TOPBP1: variants seen among roughly 807,000 people sequenced by gnomAD.
TOPBP1 encodes DNA topoisomerase 2-binding protein 1.
A neutral mutation model predicts 167.7 loss-of-function variants in TOPBP1; 28 were observed. The observed-to-expected ratio is 0.17, with a 90% CI of 0.12 to 0.23. TOPBP1 has a LOEUF of 0.23. Ranked by LOEUF, TOPBP1 falls within the 10% of genes least tolerant of loss-of-function variation. The probability of loss-of-function intolerance (pLI) is 1.00; values close to 1 mark genes in which losing one functional copy is unlikely to be tolerated. For synonymous variants in TOPBP1, 598 were observed against 611.4 expected (o/e 0.98, Z 0.32); for missense variants, 1,554 against 1,809.6 (o/e 0.86, Z 2.56).
chr3:133,647,111 T>C (rs1480489801), intron 10 of TOPBP1, among the ~76,000 whole-genome samples: 1 of 152,096 alleles, frequency 6.6e-6, no homozygotes, highest in African/African-American at 2.4e-5. Flanking sequence ...AAGAGACATA[T>C]CTTTAGTAAA....
At chr3:133,603,840 T>C (rs1934398790) in intron 27 of TOPBP1, among the ~76,000 whole-genome samples, 1 of 151,954 alleles carries the variant, frequency 6.6e-6, no homozygotes, top group African/African-American at 2.4e-5. Context: ...ATTAACCTAT[T>C]TGATATTTTT....
intron 8 of TOPBP1, among the ~76,000 whole-genome samples, chr3:133,651,772 A>G (rs1194192902): frequency 1.3e-5 from 2 of 152,100 alleles, no homozygotes; most frequent in Non-Finnish European, 2.9e-5. Flanking sequence ...TCTCTGTGTG[A>G]CTCTGAACAA....
chr3:133,624,637 A>G (rs1484996394), intron 16 of TOPBP1, among the ~76,000 whole-genome samples: 1 of 152,194 alleles, frequency 6.6e-6, no homozygotes, highest in Admixed American at 6.5e-5. Flanking sequence ...TTTCTTTTAT[A>G]AAGAATATCA....
chr3:133,604,584 G>A (rs573736099), intron 27 of TOPBP1, among the ~76,000 whole-genome samples: 19 of 151,932 alleles, frequency 1.3e-4, no homozygotes, highest in Non-Finnish European at 2.2e-4. Context: ...TAGGAAAAGC[G>A]CTGTATCTAG....
Position 133,630,164 on chromosome 3 carries a change from C to CT in TOPBP1, c.2521-1432dup, listed in dbSNP as rs541636117. Among the ~76,000 whole-genome samples, 69 of 151,600 alleles carry CT rather than the reference C, an allele frequency of 4.6e-4. No individual in the cohort carries two copies. The South Asian group carries it at 0.012, about 26-fold the overall frequency. On this transcript the variant is annotated intron_variant, in intron 14 of 27. Coordinates refer to ENST00000260810, the MANE Select transcript of TOPBP1 (RefSeq NM_007027.4). ...CCCATTTTTCTACTGGGTTGTTAGT[C>CT]TTTTTTTTAATATATTCGCTTGTAT...
intron 5 of TOPBP1, 132 bp from the exon 6 acceptor site, chr3:133,655,618 C>T (rs1936454894): frequency 2.1e-6 from 1 of 480,842 alleles, no homozygotes; most frequent in Non-Finnish European, 3.5e-6. Flanking sequence ...GGAGAACCAC[C>T]AAAACAGAAT....
intron 23 of TOPBP1, among the ~76,000 whole-genome samples, chr3:133,613,784 CTTTTTTT>C (rs11393295): frequency 7.9e-6 from 1 of 127,264 alleles, no homozygotes; most frequent in Non-Finnish European, 1.6e-5. Context: ...ATATCAAGGA[CTTTTTTT>C]TTTTTTTTTT....
intron 10 of TOPBP1, among the ~76,000 whole-genome samples, chr3:133,645,592 A>C (rs1182408760): frequency 6.6e-6 from 1 of 152,168 alleles, no homozygotes; most frequent in Non-Finnish European, 1.5e-5. Context: ...GAAAAAAATA[A>C]CTTTTTTCGA....
rs368445813 is a variant in TOPBP1, at chr3:133,651,857, T to A, written c.1089+606A>T. Among the ~76,000 whole-genome samples the A allele has an allele frequency of 7.9e-5, 12 of 152,258 alleles. 1 individual carries two copies. Among genetic ancestry groups the A allele is most frequent in the South Asian group, 2.1e-4 (1 of 4,828 alleles). On this transcript the variant is annotated intron_variant, in intron 8 of 27. Transcript: ENST00000260810. ...TTATTTGTGGGACTTAAATGCGATT[T>A]TATATATATATTAACACACATAAAA...
chr3:133,620,757 T>C (rs1935064964), intron 19 of TOPBP1, among the ~76,000 whole-genome samples: 1 of 152,012 alleles, frequency 6.6e-6, no homozygotes, highest in Non-Finnish European at 1.5e-5. Context: ...TATTTTTTAG[T>C]AGAGACGCGG....
Position 133,656,548 on chromosome 3 carries a change from C to T in TOPBP1, c.545+128G>A, listed in dbSNP as rs1390505641. 10 of 893,588 alleles carry T rather than the reference C, an allele frequency of 1.1e-5. No individual in the cohort carries two copies. In the African/African-American group the frequency reaches 1.4e-4, roughly 12 times the overall value. 55.4% of individuals were successfully genotyped at this position (893,588 alleles called of 1,614,324 possible). A position where few individuals can be genotyped will look rare whatever the true frequency, so the allele number is the denominator to read the frequency against. On this transcript the variant is annotated intron_variant, in intron 5 of 27. Coordinates refer to ENST00000260810, the MANE Select transcript of TOPBP1 (RefSeq NM_007027.4). ...CTTGTAGATTCTGCTCTTCCGTTTT[C>T]GCTGGAGAAAAGAGTAATGACACTA...
chr3:133,657,731 G>A (rs919084095), intron 4 of TOPBP1, 67 bp downstream of exon 4: 3 of 1,302,160 alleles, frequency 2.3e-6, no homozygotes, highest in Admixed American at 6.8e-5. Context: ...TATCTTCTAT[G>A]CAGTGAAAAA....
chr3:133,619,111 C>CAAAAAAAAAAAAAAAAAAAAAAAAAAA (rs71136485), intron 20 of TOPBP1, among the ~76,000 whole-genome samples: 1 of 103,518 alleles, frequency 9.7e-6, no homozygotes, highest in Non-Finnish European at 2.0e-5. Context: ...TGTGGAGAAG[C>CAAAAAAAAAAAAAAAAAAAAAAAAAAA]AAAAAAAAAA....
At chr3:133,614,170 C>T (rs1228253239) in intron 23 of TOPBP1, among the ~76,000 whole-genome samples, 1 of 152,130 alleles carries the variant, frequency 6.6e-6, no homozygotes, top group African/African-American at 2.4e-5. Flanking sequence ...AGCAGCAACA[C>T]CTTCTGAGCA....
chr3:133,655,407 C>T lies in TOPBP1; in HGVS notation c.625G>A (p.Gly209Ser), dbSNP rs1936447196. The change falls in exon 6 of 28, where the codon GGC becomes AGC. Residue 209 changes from glycine to serine, a missense_variant. By Grantham distance (56) the Gly-to-Ser change is moderately conservative (BLOSUM62 0). Around this residue, in one of 3 missense-constraint regions of TOPBP1, gnomAD observed 1,197 missense variants for 1,351.5 expected, o/e 0.89. Transcript: ENST00000260810. ...TCTTTCCTGTCTAAGCCACATAAGCCAGTCACACAGATTATGCAACCAAGA... is the reference window on the plus strand; with the variant it reads ...TCTTTCCTGTCTAAGCCACATAAGCTAGTCACACAGATTATGCAACCAAGA... ...IFLGCIICVT[G>S]LCGLDRKEVQ... 2 of 1,604,060 alleles carry T rather than the reference C, an allele frequency of 1.2e-6. No homozygotes were observed. The highest frequency in any genetic ancestry group is 2.7e-5 in the African/African-American group (2 of 74,224).
chr3:133,653,376 TGAA>T lies in TOPBP1; in HGVS notation c.888_890del (p.Ser297del). On this transcript the variant is annotated inframe_deletion, in exon 7 of 28. Transcript: ENST00000260810. ...TTGTGTTGATCTGGCTGGTAGGAGT[TGAA>T]GAATTGGGCATAGTCTTTGCTTCTG... 1 of 1,606,844 alleles carries T rather than the reference TGAA, an allele frequency of 6.2e-7. No individual in the cohort carries two copies.
chr3:133,617,032 A>G (rs1032143354), intron 22 of TOPBP1, 107 bp from the exon 23 acceptor site: 5 of 1,319,722 alleles, frequency 3.8e-6, no homozygotes. Flanking sequence ...GAAATATACA[A>G]ATAATGATAC....
chr3:133,650,072 A>C (rs994184748), intron 8 of TOPBP1, 129 bp from the exon 9 acceptor site: 6 of 769,060 alleles, frequency 7.8e-6, no homozygotes, highest in Non-Finnish European at 9.3e-6. Flanking sequence ...ATGAATAAAT[A>C]CATTCTGAAA....
intron 10 of TOPBP1, among the ~76,000 whole-genome samples, 159 bp downstream of exon 10, chr3:133,649,224 T>C (rs531511514): frequency 3.9e-5 from 6 of 152,208 alleles, no homozygotes; most frequent in Non-Finnish European, 7.3e-5. Context: ...GACCCTCTTG[T>C]CTTGCCTGCT....
Sources: gnomAD v4.1 joint callset for allele counts (sites outside exome capture counted in the v4.1 genomes callset) on GRCh38, gnomAD v4.1.1 for gene constraint, gnomAD v4.1.1 regional missense constraint, MANE v1.5 for transcripts, NCBI Gene and HGNC (gene_info 2026-07-23, HGNC 2026-07-21) for gene names.